EPHB1: variants seen among roughly 807,000 people sequenced by gnomAD.
EPHB1 encodes the protein EPH receptor B1.
EPHB1 carries 30 observed loss-of-function variants against 94.4 expected under a neutral mutation model. The observed-to-expected ratio is 0.32, with a 90% CI of 0.24 to 0.43. EPHB1 has a LOEUF of 0.43. Ranked by LOEUF, EPHB1 falls within the 20% of genes least tolerant of loss-of-function variation. EPHB1 has a pLI of 1.00. For missense variants in EPHB1, 1,055 were observed against 1,308.3 expected (o/e 0.81, Z 2.99); for synonymous variants, 522 against 489.1 (o/e 1.07, Z -0.89).
intron 12 of EPHB1, among the ~76,000 whole-genome samples, chr3:135,220,012 C>G (rs1428116032): frequency 1.3e-5 from 2 of 151,576 alleles, no homozygotes; most frequent in Admixed American, 1.3e-4. Flanking sequence ...ATTCAGCTCT[C>G]CAAGAGTACA....
chr3:135,006,458 G>A (rs1417155422), intron 3 of EPHB1, among the ~76,000 whole-genome samples: 1 of 152,154 alleles, frequency 6.6e-6, no homozygotes, highest in African/African-American at 2.4e-5. Flanking sequence ...TCTTACAAAT[G>A]GTTAAAATGA....
At chr3:135,153,926 C>T (rs1161771503) in intron 5 of EPHB1, among the ~76,000 whole-genome samples, 3 of 152,178 alleles carry the variant, frequency 2.0e-5, no homozygotes, top group Non-Finnish European at 1.5e-5. Context: ...CTCCTGTGCA[C>T]ACATGCTTTC....
At chr3:134,992,105 T>G (rs1281095109) in intron 3 of EPHB1, among the ~76,000 whole-genome samples, 1 of 152,166 alleles carries the variant, frequency 6.6e-6, no homozygotes, top group Non-Finnish European at 1.5e-5. Context: ...TTGGCTTTCC[T>G]TTTTTAGTTT....
At chr3:134,975,487 C>T (rs36125) in intron 3 of EPHB1, among the ~76,000 whole-genome samples, 91,470 of 151,960 alleles carry the variant, frequency 0.6, 28,648 homozygotes, top group African/African-American at 0.74. Flanking sequence ...CAGCTCCTGA[C>T]ACTCTGCTAC....
chr3:135,241,521 C>T (rs1325160017), intron 13 of EPHB1, among the ~76,000 whole-genome samples: 1 of 152,304 alleles, frequency 6.6e-6, no homozygotes. Flanking sequence ...GTAGAGGTGC[C>T]AAGGCCACAG....
At chr3:134,812,670 A>G (rs1006207970) in intron 1 of EPHB1, among the ~76,000 whole-genome samples, 1 of 152,248 alleles carries the variant, frequency 6.6e-6, no homozygotes, top group African/African-American at 2.4e-5. Flanking sequence ...TTAACTTGGT[A>G]AGATACTGCC....
chr3:134,902,697 T>A (rs997665502), intron 1 of EPHB1, among the ~76,000 whole-genome samples: 1 of 152,192 alleles, frequency 6.6e-6, no homozygotes, highest in Non-Finnish European at 1.5e-5. Context: ...GATTATTTGA[T>A]ATTTTTGCCA....
chr3:135,250,884 C>T (rs1188985194), intron 15 of EPHB1, among the ~76,000 whole-genome samples: 3 of 152,144 alleles, frequency 2.0e-5, no homozygotes, highest in African/African-American at 7.2e-5. Context: ...GGGCACAGTG[C>T]AAGGTGCTGG....
intron 12 of EPHB1, 110 bp from the exon 13 acceptor site, chr3:135,241,038 A>C: frequency 7.7e-7 from 1 of 1,302,676 alleles, no homozygotes; most frequent in Non-Finnish European, 1.1e-6. Context: ...GTCATAATTC[A>C]CAAGATATGG....
At chr3:135,012,439 C>T (rs1935651986) in intron 3 of EPHB1, among the ~76,000 whole-genome samples, 1 of 152,230 alleles carries the variant, frequency 6.6e-6, no homozygotes, top group Non-Finnish European at 1.5e-5. Context: ...TTAGAACATC[C>T]TCCGTCAGTT....
At chr3:134,940,761 T>C (rs1270612736) in intron 2 of EPHB1, among the ~76,000 whole-genome samples, 1 of 152,250 alleles carries the variant, frequency 6.6e-6, no homozygotes, top group African/African-American at 2.4e-5. Flanking sequence ...CTTTATATTA[T>C]TCATTTGTTT....
chr3:135,167,041 C>A (rs1304588883), intron 9 of EPHB1, 35 bp downstream of exon 9: 35 of 1,611,050 alleles, frequency 2.2e-5, no homozygotes, highest in Non-Finnish European at 2.8e-5. Context: ...GTCTGACCCC[C>A]ACAGGCCACT....
At chr3:134,949,975 G>A (rs912233441) in intron 2 of EPHB1, among the ~76,000 whole-genome samples, 2 of 152,112 alleles carry the variant, frequency 1.3e-5, no homozygotes, top group African/African-American at 4.8e-5. Flanking sequence ...CTCATTGCCT[G>A]TTATTGAAAT....
intron 12 of EPHB1, among the ~76,000 whole-genome samples, chr3:135,231,498 T>C (rs924954047): frequency 6.6e-5 from 10 of 152,302 alleles, no homozygotes; most frequent in Admixed American, 5.9e-4. Context: ...TGGAAAATTA[T>C]ATTTGGGCTG....
At chr3:135,053,055 A>ATAT (rs1360770430) in intron 3 of EPHB1, among the ~76,000 whole-genome samples, 78 of 135,590 alleles carry the variant, frequency 5.8e-4, no homozygotes, top group Non-Finnish European at 8.1e-4. Flanking sequence ...ATATATATAT[A>ATAT]AAGTTGGTGT....
At chr3:134,944,213 A>G (rs1252643621) in intron 2 of EPHB1, among the ~76,000 whole-genome samples, 1 of 152,212 alleles carries the variant, frequency 6.6e-6, no homozygotes, top group Non-Finnish European at 1.5e-5. Flanking sequence ...AGAATCACAA[A>G]ATATGTGGTC....
chr3:135,208,744 C>T (rs571105165), intron 12 of EPHB1, among the ~76,000 whole-genome samples: 1 of 152,212 alleles, frequency 6.6e-6, no homozygotes, highest in South Asian at 2.1e-4. Context: ...TTAGTGTGAA[C>T]CGGTGGTTTT....
chr3:135,217,511 A>G (rs1278347984), intron 12 of EPHB1, among the ~76,000 whole-genome samples: 2 of 151,970 alleles, frequency 1.3e-5, no homozygotes, highest in East Asian at 3.9e-4. Context: ...TAGTGTAGTT[A>G]TGCACATGTT....
intron 10 of EPHB1, among the ~76,000 whole-genome samples, chr3:135,188,176 G>A (rs1009290889): frequency 4.6e-5 from 7 of 150,796 alleles, no homozygotes; most frequent in Non-Finnish European, 8.8e-5. Flanking sequence ...TACAGCCTGG[G>A]CAACAGAGCG....
Sources: allele counts gnomAD v4.1 joint callset (sites outside exome capture counted in the v4.1 genomes callset), GRCh38; gene constraint gnomAD v4.1.1; transcripts MANE v1.5; gene names NCBI Gene and HGNC (gene_info 2026-07-23, HGNC 2026-07-21).